Variants in GCLM observed in about 807,000 individuals in gnomAD.
GCLM encodes glutamate--cysteine ligase regulatory subunit.
In GCLM, 15 loss-of-function variants were observed where a neutral mutation model predicts 36.0. That is an observed-to-expected ratio of 0.42 (90% CI 0.28 to 0.64). The LOEUF (loss-of-function observed/expected upper bound fraction) is 0.64, where lower values mean the gene tolerates loss of function less well. Among genes scored for constraint, GCLM ranks in the 30% least tolerant of loss-of-function variants. The pLI, the probability that GCLM is intolerant of heterozygous loss-of-function variation, is 0.25. For missense variants in GCLM, 242 were observed against 325.5 expected (o/e 0.74, Z 1.97); for synonymous variants, 129 against 122.8 (o/e 1.05, Z -0.34).
chr1:93,904,453 A>C, intron 2 of GCLM, 70 bp downstream of exon 2: 1 of 999,198 alleles, frequency 1.0e-6, no homozygotes, highest in East Asian at 2.4e-5. Context: ...ACAAAACTGA[A>C]GAAATTAACT....
chr1:93,892,349 T>C (rs1247356926), intron 6 of GCLM, among the ~76,000 whole-genome samples: 2 of 152,190 alleles, frequency 1.3e-5, no homozygotes, highest in Non-Finnish European at 2.9e-5. Flanking sequence ...TTTACAGTTT[T>C]ACAGAGTTAA....
chr1:93,900,349 C>A (rs1344558357), intron 3 of GCLM, among the ~76,000 whole-genome samples: 2 of 135,222 alleles, frequency 1.5e-5, no homozygotes, highest in Non-Finnish European at 3.1e-5. Flanking sequence ...AAAAAAATCT[C>A]AAGCCCTCTA....
rs143440456 is a variant in GCLM at position 93,904,986 on chromosome 1, C to T, written c.127-398G>A. ...GTCAGGAGTTCAAGACCAGCCTGGC[C>T]AACATGGTGAAACCCTGTCTCTACT... On this transcript the variant is annotated intron_variant, in intron 1 of 6. Transcript: ENST00000370238. Among the ~76,000 whole-genome samples the T allele has an allele frequency of 6.1e-3, 928 of 152,064 alleles. 7 individuals carry two copies. The highest frequency in any genetic ancestry group is 0.021 in the African/African-American group (871 of 41,476).
chr1:93,905,741 C>T (rs938148624), intron 1 of GCLM, among the ~76,000 whole-genome samples: 3 of 152,136 alleles, frequency 2.0e-5, no homozygotes, highest in African/African-American at 7.2e-5. Flanking sequence ...GACCTATATA[C>T]ATATAATGGA....
intron 3 of GCLM, among the ~76,000 whole-genome samples, chr1:93,898,303 G>GGAA (rs1280846874): frequency 7.3e-4 from 12 of 16,430 alleles, no homozygotes; most frequent in African/African-American, 2.3e-3. Flanking sequence ...GAAGAAAACT[G>GGAA]AAAAAAAAAA....
chr1:93,896,768 A>T lies in GCLM; in HGVS notation c.390T>A (p.Pro130=), dbSNP rs749744134. ...AQLDSVIIAS[P]PIEDGVNLSL... ...AAAGATTAACTCCATCTTCAATAGGAGGTGAAGCAATGATCACAGAATCCA... is the reference window on the plus strand; with the variant it reads ...AAAGATTAACTCCATCTTCAATAGGTGGTGAAGCAATGATCACAGAATCCA... Residue 130 remains proline (P), a synonymous_variant, in exon 5 of 7, where the codon CCT becomes CCA. Transcript: ENST00000370238. The T allele has an allele frequency of 1.2e-6, 2 of 1,610,340 alleles. No homozygotes were observed. Among genetic ancestry groups the T allele is most frequent in the Non-Finnish European group, 1.7e-6 (2 of 1,176,500 alleles).
chr1:93,901,375 C>G (rs915030175), intron 3 of GCLM, among the ~76,000 whole-genome samples: 1 of 152,160 alleles, frequency 6.6e-6, no homozygotes, highest in Non-Finnish European at 1.5e-5. Flanking sequence ...TCATGAAGAA[C>G]AGCAAGTTGA....
chr1:93,908,882 C>G, intron 1 of GCLM, 156 bp downstream of exon 1: 1 of 524,484 alleles, frequency 1.9e-6, no homozygotes, highest in Non-Finnish European at 3.0e-6. Flanking sequence ...AAGGTCGCGT[C>G]GACACTGGCC....
chr1:93,904,756 C>T (rs1009036152), intron 1 of GCLM, among the ~76,000 whole-genome samples, 168 bp from the exon 2 acceptor site: 2 of 152,188 alleles, frequency 1.3e-5, no homozygotes, highest in African/African-American at 4.8e-5. Context: ...CTTCAACATA[C>T]ATAAATTCAG....
chr1:93,898,906 T>C (rs371191131), intron 3 of GCLM, among the ~76,000 whole-genome samples: 1 of 152,090 alleles, frequency 6.6e-6, no homozygotes, highest in African/African-American at 2.4e-5. Flanking sequence ...CAGGCCAAGA[T>C]TTTTTTTATC....
In GCLM at chr1:93,909,086, C is replaced by T. The variant is rs747972711; in HGVS notation, c.78G>A (p.Leu26=). The part of the protein sequence containing the change: ...RTLHLQTGNL[L]NWGRLRKKCP... ...ACTTCTTCCGCAGGCGGCCCCAGTT[C>T]AGCAGGTTCCCCGTCTGCAGGTGCA... Residue 26 remains leucine, a synonymous_variant, in exon 1 of 7, where the codon CTG becomes CTA. Transcript: ENST00000370238. 3 of 1,474,272 alleles carry T rather than the reference C, an allele frequency of 2.0e-6. No homozygotes were observed. In the South Asian group the frequency reaches 3.8e-5, roughly 19 times the overall value. The allele number at this position is 1,474,272 out of a possible 1,614,324, so 91.3% of individuals were successfully genotyped here.
chr1:93,891,370 T>C (rs1379127647), intron 6 of GCLM, among the ~76,000 whole-genome samples: 1 of 152,134 alleles, frequency 6.6e-6, no homozygotes, highest in African/African-American at 2.4e-5. Flanking sequence ...GAACACACTT[T>C]TTCCAGATAT....
Position 93,888,978 on chromosome 1 carries a change from C to T in GCLM, c.*12G>A. 6.5e-7 allele frequency: 1 copy of T among 1,542,260 alleles called. No individual in the cohort carries two copies. The highest frequency in any genetic ancestry group is 2.4e-5 in the East Asian group (1 of 41,874). On this transcript the variant is annotated 3_prime_UTR_variant, in exon 7 of 7. Transcript: ENST00000370238. ...TGAAGGAAATTACAGGTAAGTTATG[C>T]TCCTAAGTCAGTTAAGAACCCCTTC...
chr1:93,902,317 T>A (rs933831805), intron 2 of GCLM, among the ~76,000 whole-genome samples: 1 of 152,028 alleles, frequency 6.6e-6, no homozygotes, highest in Admixed American at 6.6e-5. Context: ...TAGCTGGGAC[T>A]ACAGGTGCAC....
Position 93,886,411 on chromosome 1 carries a change from G to A in GCLM, c.*2579C>T, listed in dbSNP as rs991558969. The A allele has an allele frequency of 5.9e-5, 9 of 151,950 alleles. No individual in the cohort carries two copies. Among genetic ancestry groups the A allele is most frequent in the Admixed American group, 2.0e-4 (3 of 15,248 alleles). The allele number at this position is 151,950 out of a possible 1,614,324, so 9.4% of individuals were successfully genotyped here. On this transcript the variant is annotated 3_prime_UTR_variant, in exon 7 of 7. Coordinates refer to ENST00000370238, the MANE Select transcript of GCLM (RefSeq NM_002061.4). ...CATTAAGTCCTTAAATATTTGAAAA[G>A]TGTTCACTATATTCTGATAGTTCAT...
intron 6 of GCLM, among the ~76,000 whole-genome samples, chr1:93,890,781 T>C (rs1027209990): frequency 6.6e-6 from 1 of 152,190 alleles, no homozygotes; most frequent in Non-Finnish European, 1.5e-5. Context: ...AGATACACGC[T>C]ATATTGCCAA....
At position 93,897,591 on chromosome 1, in the gene GCLM, T is replaced by C. The variant is rs370758509; in HGVS notation, c.337+248A>G. 1.4e-3 allele frequency among the ~76,000 whole-genome samples: 206 copies of C among 152,216 alleles called. 3 individuals carry two copies. The highest frequency in any genetic ancestry group is 1.2e-3 in the East Asian group (6 of 5,182). On this transcript the variant is annotated intron_variant, in intron 4 of 6. Transcript: ENST00000370238. ...TAAAAGGGCTAAGAATAAGAACTTC[T>C]ATCTCCAAACGGATAGTGAACATTT... is the stretch of plus-strand genomic sequence containing the variant.
At chr1:93,902,404 T>A (rs948151450) in intron 2 of GCLM, among the ~76,000 whole-genome samples, 2 of 151,906 alleles carry the variant, frequency 1.3e-5, no homozygotes, top group Non-Finnish European at 2.9e-5. Context: ...GGTCTCGATC[T>A]CCTGACCTTG....
At chr1:93,903,910 A>C (rs533884419) in intron 2 of GCLM, among the ~76,000 whole-genome samples, 1 of 152,128 alleles carries the variant, frequency 6.6e-6, no homozygotes, top group African/African-American at 2.4e-5. Context: ...AGATTGATTT[A>C]AAAAAAACCA....
Sources: allele counts gnomAD v4.1 joint callset (sites outside exome capture counted in the v4.1 genomes callset), GRCh38; gene constraint gnomAD v4.1.1; transcripts MANE v1.5; gene names NCBI Gene and HGNC (gene_info 2026-07-23, HGNC 2026-07-21).